PER3: variants seen among roughly 807,000 people sequenced by gnomAD.
PER3 encodes the protein period circadian protein homolog 3.
Under a neutral mutation model 127.2 loss-of-function variants are expected in PER3, and 107 were observed. That is an observed-to-expected ratio of 0.84 (90% CI 0.72 to 0.99). The LOEUF is 0.99. PER3 is among the 50% of genes least tolerant of loss of function. The probability of loss-of-function intolerance (pLI) is 0.00; values close to 1 mark genes in which losing one functional copy is unlikely to be tolerated. For missense variants in PER3, 1,560 were observed against 1,525.8 expected, an observed-to-expected ratio of 1.02 and a Z score of -0.37; for synonymous variants, 618 against 585.8, an observed-to-expected ratio of 1.05 and a Z score of -0.79.
intron 10 of PER3, among the ~76,000 whole-genome samples, chr1:7,808,546 G>C (rs889391885): frequency 6.6e-6 from 1 of 152,198 alleles, no homozygotes; most frequent in Non-Finnish European, 1.5e-5. Flanking sequence ...CTTAGAGTAA[G>C]TTACAGTTAC....
rs370974877 is a variant in PER3, at chr1:7,826,543, C to T, written c.2021C>T (p.Ser674Leu). 8.7e-6 allele frequency: 14 copies of T among 1,613,884 alleles called. No homozygotes were observed. The highest frequency in any genetic ancestry group is 8.0e-5 in the African/African-American group (6 of 74,896). The change falls in exon 17 of 22, where the codon TCG becomes TTG. Residue 674 changes from serine (S) to leucine (L), a missense_variant. By Grantham distance (145) the Ser-to-Leu change is moderately radical. Around this residue, in one of 3 missense-constraint regions of PER3, gnomAD observed 1,332 missense variants for 1,223.6 expected, o/e 1.09. Coordinates refer to ENST00000377532, the MANE Select transcript of PER3 (RefSeq NM_001377275.1). The surrounding 1 kb of genome is among the most constrained non-coding windows in gnomAD (Gnocchi z 4.2). Reference sequence around the variant, plus strand: ...AACATGCAGCCAGCCCCTTTGACCTCGGAAGAATTTAAACACGTGGGGCTC... The same window carrying T: ...AACATGCAGCCAGCCCCTTTGACCTTGGAAGAATTTAAACACGTGGGGCTC... ...TLNMQPAPLTSEEFKHVGLTA... is the reference protein window; with the variant it reads ...TLNMQPAPLTLEEFKHVGLTA...
intron 5 of PER3, 122 bp downstream of exon 5, chr1:7,788,368 C>T (rs1286430167): frequency 2.9e-6 from 2 of 699,690 alleles, no homozygotes; most frequent in Non-Finnish European, 4.8e-6. Context: ...TTTCTTATTC[C>T]TGTTATAGAA....
chr1:7,786,225 C>T (rs1237758921), intron 3 of PER3, among the ~76,000 whole-genome samples: 3 of 152,002 alleles, frequency 2.0e-5, no homozygotes, highest in Non-Finnish European at 4.4e-5. Flanking sequence ...ACTGCACTCC[C>T]GCCTGGGTGA....
chr1:7,810,024 G>A lies in PER3; in HGVS notation c.1371+3G>A. 1 of 1,612,642 alleles carries A rather than the reference G, an allele frequency of 6.2e-7. No homozygotes were observed. Among genetic ancestry groups the A allele is most frequent in the Non-Finnish European group, 8.5e-7 (1 of 1,179,154 alleles). ...TGGAGGAGACGAAGGCGGAGCAGGTGCATGGGCTTATGTCACATTCTTATA... is the reference window on the plus strand; with the variant it reads ...TGGAGGAGACGAAGGCGGAGCAGGTACATGGGCTTATGTCACATTCTTATA... On this transcript the variant is annotated splice_donor_region_variant and intron_variant, in intron 12 of 21. Transcript: ENST00000377532.
chr1:7,805,997 ATTATAT>A (rs966694286), intron 10 of PER3, among the ~76,000 whole-genome samples: 2 of 152,208 alleles, frequency 1.3e-5, no homozygotes, highest in Non-Finnish European at 2.9e-5. Flanking sequence ...TTAATTATTC[ATTATAT>A]TTATAAAGTA....
At chr1:7,841,081 G>A (rs2097385063) in intron 21 of PER3, among the ~76,000 whole-genome samples, 2 of 152,068 alleles carry the variant, frequency 1.3e-5, no homozygotes, top group African/African-American at 4.8e-5. Flanking sequence ...ATTGTCTTGG[G>A]CCACACATAA....
intron 21 of PER3, among the ~76,000 whole-genome samples, chr1:7,840,395 A>G (rs1034703089): frequency 6.6e-6 from 1 of 150,440 alleles, no homozygotes; most frequent in African/African-American, 2.4e-5. Context: ...TGGCATGATC[A>G]TGGCTCACTG....
intron 18 of PER3, among the ~76,000 whole-genome samples, chr1:7,828,740 G>T (rs1209141456): frequency 6.6e-6 from 1 of 152,150 alleles, no homozygotes; most frequent in Non-Finnish European, 1.5e-5. Flanking sequence ...TTCTTTGCCT[G>T]TGTTTCCTTA....
intron 19 of PER3, among the ~76,000 whole-genome samples, chr1:7,833,625 T>C (rs2097343561): frequency 6.6e-6 from 1 of 152,216 alleles, no homozygotes; most frequent in Non-Finnish European, 1.5e-5. Flanking sequence ...ATCTGTGTCT[T>C]TATATTTAAA....
chr1:7,801,158 C>A lies in PER3; in HGVS notation c.839C>A (p.Thr280Asn). The A allele has an allele frequency of 6.2e-7, 1 of 1,604,740 alleles. No individual in the cohort carries two copies. Among genetic ancestry groups the A allele is most frequent in the Non-Finnish European group, 8.5e-7 (1 of 1,175,032 alleles). The change falls in exon 8 of 22, where the codon ACC (threonine) becomes AAC (asparagine). Residue 280 changes from threonine (T) to asparagine (N), a missense_variant. Physicochemically the swap from Thr to Asn is moderately conservative, Grantham distance 65. This residue lies in a region of PER3 where 1,332 missense variants were observed against 1,223.6 expected (regional missense o/e 1.09). Transcript: ENST00000377532. ...AAAAGAATCTTCACCACCACACACA[C>A]CCCAGGGTGTGTTTTTCTTGAAGTA... Reference protein sequence around the residue: ...VNKRIFTTTHTPGCVFLEVDE... With the variant: ...VNKRIFTTTHNPGCVFLEVDE...
chr1:7,819,753 T>G (rs890009970), intron 14 of PER3, among the ~76,000 whole-genome samples: 5 of 151,950 alleles, frequency 3.3e-5, no homozygotes, highest in African/African-American at 1.2e-4. Flanking sequence ...AACACAAGTA[T>G]GTAAACTTTC....
intron 16 of PER3, among the ~76,000 whole-genome samples, chr1:7,825,485 A>G (rs1207380682): frequency 6.6e-6 from 1 of 152,174 alleles, no homozygotes; most frequent in African/African-American, 2.4e-5. Flanking sequence ...AAAGTTCTCC[A>G]AGGGATATGG....
chr1:7,796,336 T>TTTTTTTTTG (rs1188385104), intron 6 of PER3, among the ~76,000 whole-genome samples: 1 of 149,312 alleles, frequency 6.7e-6, no homozygotes, highest in Non-Finnish European at 1.5e-5. Flanking sequence ...TTTTTTTTTT[T>TTTTTTTTTG]GAGACAGGAT....
At chr1:7,807,989 T>C (rs965324781) in intron 10 of PER3, among the ~76,000 whole-genome samples, 8 of 152,086 alleles carry the variant, frequency 5.3e-5, no homozygotes, top group African/African-American at 1.7e-4. Flanking sequence ...TGCCAGCACT[T>C]TGGGAGGCCG....
rs977597764 is a variant in PER3 at position 7,826,338 on chromosome 1, C to T, written c.1958-142C>T. On this transcript the variant is annotated intron_variant, in intron 16 of 21. Coordinates refer to ENST00000377532, the MANE Select transcript of PER3 (RefSeq NM_001377275.1). The surrounding 1 kb of genome is among the most constrained non-coding windows in gnomAD (Gnocchi z 4.2). ...AAGGAAGACAGAAAATGAAGAATTT[C>T]TGTGCTAGGCTAATGAAGATTTTTC... 95 of 606,934 alleles carry T rather than the reference C, an allele frequency of 1.6e-4. 1 individual carries two copies. In the South Asian group the frequency reaches 1.6e-3, roughly 10 times the overall value. The allele number at this position is 606,934 out of a possible 1,614,324, so 37.6% of individuals were successfully genotyped here. A position where few individuals can be genotyped will look rare whatever the true frequency, so the allele number is the denominator to read the frequency against.
At chr1:7,825,010 G>T (rs1349772146) in intron 16 of PER3, among the ~76,000 whole-genome samples, 1 of 151,644 alleles carries the variant, frequency 6.6e-6, no homozygotes, top group Non-Finnish European at 1.5e-5. Flanking sequence ...CTTTCCTTCA[G>T]TGTCTGAAAC....
chr1:7,817,133 C>G (rs1014268755), intron 13 of PER3, among the ~76,000 whole-genome samples: 1 of 152,140 alleles, frequency 6.6e-6, no homozygotes, highest in Non-Finnish European at 1.5e-5. Context: ...GAAAACAGAT[C>G]AGTATTTACT....
At chr1:7,825,916 C>T (rs79318555) in intron 16 of PER3, among the ~76,000 whole-genome samples, 1 of 149,730 alleles carries the variant, frequency 6.7e-6, no homozygotes, top group African/African-American at 2.5e-5. Context: ...TGAACAAATA[C>T]AAAATTTAGC....
intron 10 of PER3, 61 bp downstream of exon 10, chr1:7,803,909 C>T (rs1304361375): frequency 3.7e-6 from 5 of 1,342,800 alleles, no homozygotes; most frequent in Non-Finnish European, 5.3e-6. Context: ...TATTCCTTAG[C>T]TTATTGACTG....
Sources: gnomAD v4.1 joint callset for allele counts (sites outside exome capture counted in the v4.1 genomes callset) on GRCh38, gnomAD v4.1.1 for gene constraint, gnomAD v4.1.1 regional missense constraint, Gnocchi (gnomAD v3.1) non-coding constraint, MANE v1.5 for transcripts, NCBI Gene and HGNC (gene_info 2026-07-23, HGNC 2026-07-21) for gene names.